Variants in OTUD7A observed in about 807,000 individuals in gnomAD.
OTUD7A encodes the protein OTU domain-containing protein 7A.
A neutral mutation model predicts 65.7 loss-of-function variants in OTUD7A; 12 were observed. The ratio of observed to expected loss-of-function variants is 0.18; its 90% CI spans 0.12 to 0.30. OTUD7A has a LOEUF of 0.30. OTUD7A is among the 10% of genes least tolerant of loss of function. The probability of loss-of-function intolerance (pLI) is 1.00; values close to 1 mark genes in which losing one functional copy is unlikely to be tolerated. For synonymous variants in OTUD7A, 641 were observed against 586.3 expected (o/e 1.09, Z -1.35); for missense variants, 1,148 against 1,304.8 (o/e 0.88, Z 1.85).
rs1309889300 is a variant in OTUD7A, at chr15:31,655,334, G to C, written c.-4-84C>G. ...CAACTACATGCAGAGACCTGAGCGA[G>C]AGAACCCTCGAGGGTGGAGCCATTT... On this transcript the variant is annotated intron_variant, in intron 2 of 12. Transcript: ENST00000307050. 12 of 624,128 alleles carry C rather than the reference G, an allele frequency of 1.9e-5. No individual in the cohort carries two copies. The Middle Eastern group carries it at 1.3e-3, about 67-fold the overall frequency. 38.7% of individuals were successfully genotyped at this position (624,128 alleles called of 1,614,324 possible). A position where few individuals can be genotyped will look rare whatever the true frequency, so the allele number is the denominator to read the frequency against.
intron 1 of OTUD7A, among the ~76,000 whole-genome samples, chr15:31,821,904 A>G (rs868736732): frequency 6.6e-6 from 1 of 152,172 alleles, no homozygotes; most frequent in Admixed American, 6.5e-5. Flanking sequence ...GGCCATTTGT[A>G]TATCAACTTT....
intron 1 of OTUD7A, among the ~76,000 whole-genome samples, chr15:31,811,437 T>C (rs754507253): frequency 4.6e-4 from 70 of 151,580 alleles, no homozygotes; most frequent in Non-Finnish European, 8.8e-4. Flanking sequence ...TATGTGTGAG[T>C]GTGTGCTTTG....
intron 1 of OTUD7A, among the ~76,000 whole-genome samples, chr15:31,698,544 C>A (rs539353722): frequency 1.1e-4 from 17 of 152,216 alleles, no homozygotes; most frequent in Non-Finnish European, 2.4e-4. Flanking sequence ...CACTGCCCAG[C>A]AAGCTGTGTT....
At chr15:31,720,263 T>C (rs1893698062) in intron 1 of OTUD7A, among the ~76,000 whole-genome samples, 1 of 151,722 alleles carries the variant, frequency 6.6e-6, no homozygotes, top group African/African-American at 2.4e-5. Flanking sequence ...AGTTGTTATT[T>C]ACAGTCATGT....
intron 1 of OTUD7A, among the ~76,000 whole-genome samples, chr15:31,729,547 A>C (rs1395506799): frequency 6.6e-6 from 1 of 152,152 alleles, no homozygotes; most frequent in Non-Finnish European, 1.5e-5. Flanking sequence ...TAAAACTGGC[A>C]CTTAGATCTG....
rs372544739 is a variant in OTUD7A, at chr15:31,570,205, C to T, written c.152-8G>A. 15 of 1,613,238 alleles carry T rather than the reference C, an allele frequency of 9.3e-6. No homozygotes were observed. The highest frequency in any genetic ancestry group is 1.3e-5 in the Non-Finnish European group (15 of 1,179,460). On this transcript the variant is annotated splice_region_variant and splice_polypyrimidine_tract_variant and intron_variant, in intron 3 of 12. Transcript: ENST00000307050. Reference sequence around the variant, plus strand: ...TCAGGTCCCAGTTTTTGCCTGTGGACAAGAAATGACAAGAGGTGACAATAC... The same window carrying T: ...TCAGGTCCCAGTTTTTGCCTGTGGATAAGAAATGACAAGAGGTGACAATAC...
intron 1 of OTUD7A, among the ~76,000 whole-genome samples, chr15:31,667,355 C>G (rs144484483): frequency 7.9e-5 from 12 of 152,296 alleles, no homozygotes; most frequent in African/African-American, 2.9e-4. Flanking sequence ...TCCTGTTGGA[C>G]AAGGCCTTTT....
chr15:31,718,968 T>A (rs1893664664), intron 1 of OTUD7A, among the ~76,000 whole-genome samples: 1 of 152,068 alleles, frequency 6.6e-6, no homozygotes, highest in South Asian at 2.1e-4. Context: ...CAGGCTTCTA[T>A]TAGATAGAGT....
In OTUD7A at chr15:31,680,797, G is replaced by A. The variant is rs542353783; in HGVS notation, c.-99-23720C>T. 5.5e-3 allele frequency among the ~76,000 whole-genome samples: 841 copies of A among 152,252 alleles called. 9 individuals carry two copies. The highest frequency in any genetic ancestry group is 0.019 in the African/African-American group (807 of 41,486). ...GTGCACTTTGTTTAGCAGCTGAAGT[G>A]ATGTGGGCTGGAGAATCCATGCAGG... is the stretch of plus-strand genomic sequence containing the variant. On this transcript the variant is annotated intron_variant, in intron 1 of 12. Coordinates refer to ENST00000307050, the MANE Select transcript of OTUD7A (RefSeq NM_001382637.1).
chr15:31,702,388 T>G (rs1893231507), intron 1 of OTUD7A, among the ~76,000 whole-genome samples: 1 of 147,388 alleles, frequency 6.8e-6, no homozygotes, highest in African/African-American at 2.6e-5. Flanking sequence ...CTGAAAACTT[T>G]TAGAACTAAG....
chr15:31,765,783 A>G (rs1895079942), intron 1 of OTUD7A: 2 of 1,356,082 alleles, frequency 1.5e-6, no homozygotes, highest in East Asian at 2.3e-5. Flanking sequence ...TCTTAAAATC[A>G]GCATTGGTTG....
chr15:31,774,572 T>A (rs1052093420), intron 1 of OTUD7A, among the ~76,000 whole-genome samples: 1 of 151,968 alleles, frequency 6.6e-6, no homozygotes, highest in African/African-American at 2.4e-5. Context: ...AATGAGGACA[T>A]GTTAGTATCA....
chr15:31,804,436 C>T (rs1382141756), intron 1 of OTUD7A, among the ~76,000 whole-genome samples: 2 of 152,148 alleles, frequency 1.3e-5, no homozygotes, highest in Non-Finnish European at 2.9e-5. Context: ...AGGGCTGGCT[C>T]CCTCCTCCTT....
intron 1 of OTUD7A, among the ~76,000 whole-genome samples, chr15:31,744,614 C>T (rs756168763): frequency 3.3e-5 from 5 of 151,898 alleles, no homozygotes; most frequent in Non-Finnish European, 7.4e-5. Context: ...TATGATGAAA[C>T]GTTGAATTAT....
At chr15:31,747,746 T>C (rs139976072) in intron 1 of OTUD7A, among the ~76,000 whole-genome samples, 71 of 152,272 alleles carry the variant, frequency 4.7e-4, no homozygotes, top group African/African-American at 1.7e-3. Context: ...TCCTATTAAT[T>C]ACAAAGGGAA....
chr15:31,717,591 T>C (rs1595724315), intron 1 of OTUD7A, among the ~76,000 whole-genome samples: 2 of 152,218 alleles, frequency 1.3e-5, no homozygotes, highest in East Asian at 3.8e-4. Context: ...CATGGCTGCA[T>C]AGTATTCCAT....
At chr15:31,829,961 C>T (rs1896891452) in intron 1 of OTUD7A, among the ~76,000 whole-genome samples, 2 of 152,196 alleles carry the variant, frequency 1.3e-5, no homozygotes, top group Admixed American at 6.5e-5. Flanking sequence ...CTTTGTCTTT[C>T]TCATGCCCAC....
intron 9 of OTUD7A, among the ~76,000 whole-genome samples, chr15:31,502,530 T>A (rs2041484865): frequency 6.6e-6 from 1 of 152,204 alleles, no homozygotes; most frequent in Admixed American, 6.5e-5. Flanking sequence ...GACGGTAATT[T>A]CAGGGATGTC....
In OTUD7A at chr15:31,771,896, T is replaced by TA. The variant is rs552173335; in HGVS notation, c.-100+98610dup. On this transcript the variant is annotated intron_variant, in intron 1 of 12. Transcript: ENST00000307050. ...TTGTCTTGATGCCTGGACCTATATT[T>TA]ATTCTCCCTAACAGCCTCTTGTTCA... Among the ~76,000 whole-genome samples the TA allele has an allele frequency of 3.2e-4, 48 of 152,298 alleles. No individual in the cohort carries two copies. The South Asian group carries it at 9.1e-3, about 29-fold the overall frequency.
Sources: allele counts gnomAD v4.1 joint callset (sites outside exome capture counted in the v4.1 genomes callset), GRCh38; gene constraint gnomAD v4.1.1; transcripts MANE v1.5; gene names NCBI Gene and HGNC (gene_info 2026-07-23, HGNC 2026-07-21).